PIK3CB: variants seen among roughly 807,000 people sequenced by gnomAD.
PIK3CB encodes phosphatidylinositol 4,5-bisphosphate 3-kinase catalytic subunit beta isoform.
In PIK3CB, 39 loss-of-function variants were observed where a neutral mutation model predicts 136.8. The observed-to-expected ratio is 0.29, with a 90% CI of 0.22 to 0.37. The LOEUF is 0.37. Among genes scored for constraint, PIK3CB ranks in the 10% least tolerant of loss-of-function variants. PIK3CB has a pLI of 1.00. For synonymous variants in PIK3CB, 428 were observed against 436.6 expected (o/e 0.98, Z 0.25); for missense variants, 868 against 1,275.4 (o/e 0.68, Z 4.87).
chr3:138,765,270 T>C (rs1017786520), intron 2 of PIK3CB, among the ~76,000 whole-genome samples: 1 of 152,180 alleles, frequency 6.6e-6, no homozygotes, highest in East Asian at 1.9e-4. Flanking sequence ...TAAGCCAAGA[T>C]GATGCCACTG....
At chr3:138,774,401 T>A (rs2045834582) in intron 2 of PIK3CB, among the ~76,000 whole-genome samples, 2 of 152,244 alleles carry the variant, frequency 1.3e-5, no homozygotes, top group Non-Finnish European at 2.9e-5. Flanking sequence ...GATACACTTT[T>A]GCACCTATCA....
At chr3:138,766,216 T>C (rs2045730711) in intron 2 of PIK3CB, among the ~76,000 whole-genome samples, 1 of 152,162 alleles carries the variant, frequency 6.6e-6, no homozygotes, top group Admixed American at 6.5e-5. Context: ...AAACTGCTAT[T>C]TTCAGGATAA....
intron 1 of PIK3CB, among the ~76,000 whole-genome samples, chr3:138,830,145 G>A (rs529562120): frequency 6.6e-6 from 1 of 152,126 alleles, no homozygotes; most frequent in Non-Finnish European, 1.5e-5. Flanking sequence ...AGAGTGAAGA[G>A]GAGGAAAGCC....
chr3:138,710,245 A>G (rs1004983810), intron 10 of PIK3CB, among the ~76,000 whole-genome samples: 4 of 152,146 alleles, frequency 2.6e-5, no homozygotes, highest in Non-Finnish European at 5.9e-5. Context: ...CATTTGGGGA[A>G]TAACATAATT....
In PIK3CB at chr3:138,742,790, A is replaced by C; in HGVS notation, c.398-9T>G. 1 of 1,485,486 alleles carries C rather than the reference A, an allele frequency of 6.7e-7. No individual in the cohort carries two copies. The highest frequency in any genetic ancestry group is 9.3e-7 in the Non-Finnish European group (1 of 1,077,914). 92.0% of individuals were successfully genotyped at this position (1,485,486 alleles called of 1,614,324 possible). ...ATCAAATTCATGCAGACCTAAACAC[A>C]TTTTTTAAAGGTGTCATTTTCAGTA... On this transcript the variant is annotated splice_polypyrimidine_tract_variant and intron_variant, in intron 4 of 23. Coordinates refer to ENST00000674063, the MANE Select transcript of PIK3CB (RefSeq NM_006219.3).
In PIK3CB at chr3:138,654,390, T is replaced by A. The variant is rs1054448179; in HGVS notation, c.*999A>T. On this transcript the variant is annotated 3_prime_UTR_variant, in exon 24 of 24. Coordinates refer to ENST00000674063, the MANE Select transcript of PIK3CB (RefSeq NM_006219.3). ...TTTGAACTAATATCCTTGAAAAAAATCACATTATTACAAGTTTTAATAAAT... is the reference window on the plus strand; with the variant it reads ...TTTGAACTAATATCCTTGAAAAAAAACACATTATTACAAGTTTTAATAAAT... 3 of 225,404 alleles carry A rather than the reference T, an allele frequency of 1.3e-5. No individual in the cohort carries two copies. The highest frequency in any genetic ancestry group is 6.7e-5 in the African/African-American group (3 of 44,932). The allele number at this position is 225,404 out of a possible 1,614,324, so 14.0% of individuals were successfully genotyped here.
At chr3:138,710,866 C>A (rs2044481919) in intron 10 of PIK3CB, among the ~76,000 whole-genome samples, 1 of 151,760 alleles carries the variant, frequency 6.6e-6, no homozygotes, top group South Asian at 2.1e-4. Flanking sequence ...GGGTGGATCA[C>A]GAGGTCAGGA....
chr3:138,682,239 G>T (rs933861793), intron 18 of PIK3CB, among the ~76,000 whole-genome samples, 194 bp from the exon 19 acceptor site: 2 of 152,172 alleles, frequency 1.3e-5, no homozygotes, highest in African/African-American at 4.8e-5. Flanking sequence ...TAAATTAAAA[G>T]ATTTTTTAAA....
chr3:138,672,670 G>A (rs1261192047), intron 19 of PIK3CB, among the ~76,000 whole-genome samples: 2 of 152,170 alleles, frequency 1.3e-5, no homozygotes, highest in East Asian at 3.9e-4. Flanking sequence ...ACTTTGACCT[G>A]GGAGATGGAG....
At chr3:138,729,373 T>C (rs2044919265) in intron 8 of PIK3CB, among the ~76,000 whole-genome samples, 1 of 152,178 alleles carries the variant, frequency 6.6e-6, no homozygotes, top group Non-Finnish European at 1.5e-5. Flanking sequence ...TCAAACATTT[T>C]TCTGGGTGTT....
At chr3:138,707,517 ATGACTAC>A in intron 10 of PIK3CB, 4 of 1,294,804 alleles carry the variant, frequency 3.1e-6, no homozygotes, top group Non-Finnish European at 3.9e-6. Flanking sequence ...ACAAAACTGA[ATGACTAC>A]TTTACCTCTT....
intron 8 of PIK3CB, among the ~76,000 whole-genome samples, chr3:138,732,206 T>C (rs1010761501): frequency 6.6e-6 from 1 of 152,162 alleles, no homozygotes; most frequent in Non-Finnish European, 1.5e-5. Flanking sequence ...TAAAATCTAC[T>C]TTCCTAGCAA....
intron 8 of PIK3CB, among the ~76,000 whole-genome samples, chr3:138,718,529 A>G (rs2044659628): frequency 6.6e-6 from 1 of 151,838 alleles, no homozygotes; most frequent in Non-Finnish European, 1.5e-5. Context: ...GTTAAATCCC[A>G]CTTGTCAATT....
chr3:138,759,314 A>G lies in PIK3CB; in HGVS notation c.30T>C (p.Ala10=). 1 of 1,609,888 alleles carries G rather than the reference A, an allele frequency of 6.2e-7. No individual in the cohort carries two copies. Among genetic ancestry groups the G allele is most frequent in the Non-Finnish European group, 8.5e-7 (1 of 1,176,764 alleles). MCFSFIMPP[A]MADILDIWAV... ...CCCAGATGTCAAGGATGTCTGCCAT[A>G]GCAGGAGGCATTATGAAACTGAAGC... Residue 10 remains alanine (A), a synonymous_variant, in exon 3 of 24, where the codon GCT becomes GCC. Coordinates refer to ENST00000674063, the MANE Select transcript of PIK3CB (RefSeq NM_006219.3).
chr3:138,830,099 A>G (rs567421949), intron 1 of PIK3CB, among the ~76,000 whole-genome samples: 1 of 152,316 alleles, frequency 6.6e-6, no homozygotes, highest in African/African-American at 2.4e-5. Context: ...GGGCATTAGA[A>G]TGTTTTGAAC....
chr3:138,739,190 A>C (rs1282255493), intron 5 of PIK3CB, among the ~76,000 whole-genome samples: 1 of 152,218 alleles, frequency 6.6e-6, no homozygotes, highest in African/African-American at 2.4e-5. Context: ...TTACATCTGT[A>C]ATCCCAGCAC....
chr3:138,666,050 T>C (rs377175144), intron 19 of PIK3CB, among the ~76,000 whole-genome samples: 1 of 152,374 alleles, frequency 6.6e-6, no homozygotes, highest in African/African-American at 2.4e-5. Context: ...ATATTCTAAC[T>C]AGACCAATAC....
At chr3:138,708,297 G>A (rs1432029328) in intron 10 of PIK3CB, among the ~76,000 whole-genome samples, 1 of 112,340 alleles carries the variant, frequency 8.9e-6, no homozygotes, top group Non-Finnish European at 1.7e-5. Context: ...CAGGGTTTCT[G>A]TCACCCAGGT....
intron 2 of PIK3CB, among the ~76,000 whole-genome samples, chr3:138,769,882 T>C (rs1171390782): frequency 1.3e-5 from 2 of 152,232 alleles, no homozygotes; most frequent in South Asian, 4.1e-4. Context: ...CCTACCCATT[T>C]TAAAGATAAG....
Sources: allele counts gnomAD v4.1 joint callset (sites outside exome capture counted in the v4.1 genomes callset), GRCh38; gene constraint gnomAD v4.1.1; transcripts MANE v1.5; gene names NCBI Gene and HGNC (gene_info 2026-07-23, HGNC 2026-07-21).